Variants in PTCHD4 observed in about 807,000 individuals in gnomAD.
The protein encoded by PTCHD4 is patched domain-containing protein 4.
In PTCHD4, 33 loss-of-function variants were observed where a neutral mutation model predicts 58.1. That is an observed-to-expected ratio of 0.57 (90% CI 0.43 to 0.76). The LOEUF (loss-of-function observed/expected upper bound fraction) is 0.76. Ranked by LOEUF, PTCHD4 falls within the 30% of genes least tolerant of loss-of-function variation. PTCHD4 has a pLI of 0.00. For synonymous variants in PTCHD4, 478 were observed against 409.6 expected, an observed-to-expected ratio of 1.17 and a Z score of -2.02; for missense variants, 1,058 against 1,027.1, an observed-to-expected ratio of 1.03 and a Z score of -0.41.
At chr6:48,079,350 A>T (rs975856977) in intron 1 of PTCHD4, among the ~76,000 whole-genome samples, 3 of 152,140 alleles carry the variant, frequency 2.0e-5, no homozygotes, top group African/African-American at 7.2e-5. Flanking sequence ...GAATTTTATG[A>T]AGCCTTTTCT....
intron 4 of PTCHD4, among the ~76,000 whole-genome samples, chr6:47,884,958 TC>T (rs1281657773): frequency 6.6e-6 from 1 of 152,188 alleles, no homozygotes; most frequent in East Asian, 1.9e-4. Flanking sequence ...TTATTTTTTT[TC>T]CCTCAGTAGA....
intron 4 of PTCHD4, chr6:47,899,849 C>T (rs1764642679): frequency 6.6e-6 from 1 of 152,148 alleles, no homozygotes; most frequent in Non-Finnish European, 1.5e-5. Context: ...TACATATTTG[C>T]CTACTCTGAA....
intron 4 of PTCHD4, among the ~76,000 whole-genome samples, chr6:47,990,622 C>A (rs1257122580): frequency 6.6e-6 from 1 of 152,128 alleles, no homozygotes; most frequent in Non-Finnish European, 1.5e-5. Context: ...TCCCTCCCAC[C>A]ATGATTCTGA....
intron 4 of PTCHD4, among the ~76,000 whole-genome samples, chr6:47,893,397 A>G (rs1165688940): frequency 6.6e-6 from 1 of 152,246 alleles, no homozygotes; most frequent in Non-Finnish European, 1.5e-5. Context: ...TGTAGCAACT[A>G]AAAAGATGCA....
At chr6:48,002,123 G>A (rs1402876274) in intron 4 of PTCHD4, among the ~76,000 whole-genome samples, 2 of 152,214 alleles carry the variant, frequency 1.3e-5, no homozygotes, top group Admixed American at 1.3e-4. Context: ...AGGTGCTGGA[G>A]AGGATGTGGA....
chr6:48,025,982 A>G (rs1261315228), intron 3 of PTCHD4, among the ~76,000 whole-genome samples: 2 of 152,146 alleles, frequency 1.3e-5, no homozygotes, highest in Non-Finnish European at 2.9e-5. Flanking sequence ...CAATTTGAAC[A>G]TGACCTCACA....
rs200342727 is a variant in PTCHD4 at position 47,954,041 on chromosome 6, T to C, written c.898+54593A>G. On this transcript the variant is annotated intron_variant, in intron 4 of 4. Transcript: ENST00000339488. ...GTGAAGCTAGACACTAGAAATTTACTAATGAATTAGAATTGCTTAAGAAGG... is the reference window on the plus strand; with the variant it reads ...GTGAAGCTAGACACTAGAAATTTACCAATGAATTAGAATTGCTTAAGAAGG... Among the ~76,000 whole-genome samples, 18 of 152,094 alleles carry C rather than the reference T, an allele frequency of 1.2e-4. No homozygotes were observed. In the East Asian group the frequency reaches 3.3e-3, roughly 28 times the overall value.
chr6:48,031,473 ACTTT>A (rs1383866743), intron 3 of PTCHD4, among the ~76,000 whole-genome samples: 18 of 152,238 alleles, frequency 1.2e-4, no homozygotes, highest in Middle Eastern at 3.4e-3. Context: ...AAGAATAATT[ACTTT>A]CTTTAACAAG....
intron 1 of PTCHD4, among the ~76,000 whole-genome samples, chr6:48,082,721 C>T (rs1765189002): frequency 6.6e-6 from 1 of 152,018 alleles, no homozygotes; most frequent in African/African-American, 2.4e-5. Context: ...TTAATCACTT[C>T]TTTTATATTC....
At chr6:48,008,587 T>C (rs1331520239) in intron 4 of PTCHD4, 47 bp downstream of exon 4, 1 of 1,577,534 alleles carries the variant, frequency 6.3e-7, no homozygotes, top group Admixed American at 1.8e-5. Flanking sequence ...TATACTACCT[T>C]GCCCCAAACC....
Position 47,857,029 on chromosome 6 carries a change from A to T in PTCHD4, c.*21274T>A, listed in dbSNP as rs184985579. Among the ~76,000 whole-genome samples the T allele has an allele frequency of 8.4e-4, 128 of 152,200 alleles. 2 individuals carry two copies. The highest frequency in any genetic ancestry group is 6.8e-3 in the Middle Eastern group (2 of 294). ...TTGATGATCAAGGTTGCTTAGGGAA[A>T]TTGGAGCCTTCTGGACCCAGCCCAA... On this transcript the variant is annotated 3_prime_UTR_variant, in exon 5 of 5. Coordinates refer to ENST00000339488, the MANE Select transcript of PTCHD4 (RefSeq NM_001384253.1).
At chr6:48,066,121 G>A (rs1254294938) in intron 3 of PTCHD4, among the ~76,000 whole-genome samples, 2 of 149,280 alleles carry the variant, frequency 1.3e-5, no homozygotes, top group African/African-American at 2.5e-5. Flanking sequence ...TTTTTGAGAC[G>A]GGATCCCTCT....
At chr6:47,926,194 C>A (rs1450395447) in intron 4 of PTCHD4, among the ~76,000 whole-genome samples, 3 of 152,094 alleles carry the variant, frequency 2.0e-5, no homozygotes, top group Non-Finnish European at 4.4e-5. Context: ...AAGGTGAGTG[C>A]TCTAGGTTGA....
At chr6:48,059,972 A>G (rs937444195) in intron 3 of PTCHD4, among the ~76,000 whole-genome samples, 2 of 152,308 alleles carry the variant, frequency 1.3e-5, no homozygotes, top group South Asian at 4.1e-4. Context: ...TTGGTATTCT[A>G]TTCTCACAGC....
chr6:48,021,069 G>T (rs186826081), intron 3 of PTCHD4, among the ~76,000 whole-genome samples: 1 of 151,770 alleles, frequency 6.6e-6, no homozygotes, highest in Admixed American at 6.6e-5. Context: ...TAGGATTATA[G>T]GTCATTTCCG....
chr6:47,949,645 T>C (rs1357851030), intron 4 of PTCHD4, among the ~76,000 whole-genome samples: 2 of 152,120 alleles, frequency 1.3e-5, no homozygotes, highest in East Asian at 1.9e-4. Flanking sequence ...TCTTTGCAAC[T>C]GTCTCTCTCT....
intron 4 of PTCHD4, among the ~76,000 whole-genome samples, chr6:47,906,376 C>T (rs1466877610): frequency 1.3e-5 from 2 of 152,180 alleles, no homozygotes; most frequent in African/African-American, 4.8e-5. Flanking sequence ...GCCCTCCAAG[C>T]TGGAATCACT....
At chr6:47,912,800 G>A (rs1765111661) in intron 4 of PTCHD4, among the ~76,000 whole-genome samples, 1 of 152,114 alleles carries the variant, frequency 6.6e-6, no homozygotes, top group Non-Finnish European at 1.5e-5. Flanking sequence ...TCCAAGAGCA[G>A]CACAGAGTGC....
At chr6:48,031,858 C>G (rs1220616516) in intron 3 of PTCHD4, among the ~76,000 whole-genome samples, 1 of 152,004 alleles carries the variant, frequency 6.6e-6, no homozygotes, top group East Asian at 1.9e-4. Flanking sequence ...CTCATATTTT[C>G]CAATTCATTG....
Sources: gnomAD v4.1 joint callset for allele counts (sites outside exome capture counted in the v4.1 genomes callset) on GRCh38, gnomAD v4.1.1 for gene constraint, MANE v1.5 for transcripts, NCBI Gene and HGNC (gene_info 2026-07-23, HGNC 2026-07-21) for gene names.